CRISP2: variants seen among roughly 807,000 people sequenced by gnomAD.
The protein encoded by CRISP2 is cysteine-rich secretory protein 2.
CRISP2 carries 29 observed loss-of-function variants against 31.7 expected under a neutral mutation model. The ratio of observed to expected loss-of-function variants is 0.92; its 90% CI spans 0.68 to 1.25. The LOEUF (loss-of-function observed/expected upper bound fraction) is 1.25, where lower values mean the gene tolerates loss of function less well. Ranked by LOEUF, CRISP2 falls within the 50% of genes most tolerant of loss-of-function variation. The pLI is 0.00. For missense variants in CRISP2, 318 were observed against 286.5 expected (o/e 1.11, Z -0.79); for synonymous variants, 111 against 101.4 (o/e 1.09, Z -0.57).
chr6:49,687,472 A>C (rs546046371), downstream of CRISP2, among the ~76,000 whole-genome samples: 5 of 152,308 alleles, frequency 3.3e-5, no homozygotes, highest in African/African-American at 1.2e-4. Flanking sequence ...TGGAAGCATC[A>C]CATTGAGCTT....
chr6:49,713,782 T>G (rs1278170586), upstream of CRISP2, among the ~76,000 whole-genome samples: 1 of 152,138 alleles, frequency 6.6e-6, no homozygotes, highest in Non-Finnish European at 1.5e-5. Context: ...ACCTGCGCCG[T>G]ACTAGGAGGA....
chr6:49,699,790 A>G lies in CRISP2; in HGVS notation c.271+14T>C, dbSNP rs201254260. 2.1e-5 allele frequency: 32 copies of G among 1,547,950 alleles called. No individual in the cohort carries two copies. The highest frequency in any genetic ancestry group is 1.7e-4 in the Middle Eastern group (1 of 5,942). On this transcript the variant is annotated intron_variant, in intron 6 of 9. Transcript: ENST00000339139. Reference sequence around the variant, plus strand: ...TCATTTATTTATTCAACAAATATTTACTAATTTACATACTGGTTTTGCGGT... The same window carrying G: ...TCATTTATTTATTCAACAAATATTTGCTAATTTACATACTGGTTTTGCGGT...
chr6:49,683,308 A>G, the CRISP2 span, among the ~76,000 whole-genome samples: 2 of 151,938 alleles, frequency 1.3e-5, no homozygotes, highest in African/African-American at 2.4e-5. Flanking sequence ...GGGCTCCTTC[A>G]TGTTCACCCA....
At chr6:49,694,107 C>T (rs367695260) in intron 9 of CRISP2, among the ~76,000 whole-genome samples, 150 of 152,222 alleles carry the variant, frequency 9.9e-4, no homozygotes, top group South Asian at 3.3e-3. Flanking sequence ...TTTAAAGGAG[C>T]GAATAAGTCT....
Position 49,699,938 on chromosome 6 carries a change from T to C in CRISP2, c.184-47A>G. On this transcript the variant is annotated intron_variant, in intron 5 of 9. Transcript: ENST00000339139. ...AATACACTTAATGATTCAGCCACAA[T>C]GAAACATACACTTTATAATCTGATT... The C allele has an allele frequency of 4.1e-6, 6 of 1,476,970 alleles. No individual in the cohort carries two copies. In the South Asian group the frequency reaches 4.6e-5, roughly 11 times the overall value. The allele number at this position is 1,476,970 out of a possible 1,614,324, so 91.5% of individuals were successfully genotyped here.
rs1330811962 is a variant in CRISP2, at chr6:49,692,381, A to G, written c.*392T>C. 6.4e-6 allele frequency: 1 copy of G among 155,302 alleles called. No individual in the cohort carries two copies. The allele number at this position is 155,302 out of a possible 1,614,324, so 9.6% of individuals were successfully genotyped here. On this transcript the variant is annotated 3_prime_UTR_variant, in exon 10 of 10. Coordinates refer to ENST00000339139, the MANE Select transcript of CRISP2 (RefSeq NM_003296.4). ...ACGGCAGATGTAAAGCTTTGAATTT[A>G]TTGTTTATGCAAGTAAAAACTCAGG...
At chr6:49,678,469 C>G in the CRISP2 span, among the ~76,000 whole-genome samples, 1 of 152,014 alleles carries the variant, frequency 6.6e-6, no homozygotes, top group East Asian at 1.9e-4. Flanking sequence ...TACACTTTCC[C>G]AGACGAATCT....
the CRISP2 span, among the ~76,000 whole-genome samples, chr6:49,686,530 GATC>G: frequency 3.3e-4 from 50 of 152,068 alleles, no homozygotes; most frequent in Non-Finnish European, 5.7e-4. Flanking sequence ...TTAGAAAGGC[GATC>G]ATTAAAAAGT....
chr6:49,701,258 C>A (rs1182157185), intron 4 of CRISP2, among the ~76,000 whole-genome samples: 2 of 151,834 alleles, frequency 1.3e-5, no homozygotes, highest in Non-Finnish European at 2.9e-5. Flanking sequence ...AATGTGTAGT[C>A]TTTTATCCCA....
intron 4 of CRISP2, among the ~76,000 whole-genome samples, chr6:49,705,207 G>A (rs1463969583): frequency 6.6e-6 from 1 of 152,084 alleles, no homozygotes; most frequent in Non-Finnish European, 1.5e-5. Flanking sequence ...AGATGGGGGT[G>A]TGGTTCTCAG....
chr6:49,693,833 G>T (rs1281227516), intron 9 of CRISP2, among the ~76,000 whole-genome samples: 1 of 151,846 alleles, frequency 6.6e-6, no homozygotes. Flanking sequence ...TTTCTAAATT[G>T]TTTCTCTGTG....
chr6:49,711,844 T>C (rs1768066998), intron 2 of CRISP2, among the ~76,000 whole-genome samples: 2 of 152,228 alleles, frequency 1.3e-5, no homozygotes, highest in African/African-American at 4.8e-5. Context: ...CACAGGTTTT[T>C]GCTTTGAAGA....
chr6:49,678,122 T>C, the CRISP2 span, among the ~76,000 whole-genome samples: 1 of 152,034 alleles, frequency 6.6e-6, no homozygotes, highest in Non-Finnish European at 1.5e-5. Flanking sequence ...TTCAGAATTA[T>C]AAAACAAAAA....
intron 1 of CRISP2, among the ~76,000 whole-genome samples, chr6:49,712,984 G>C (rs541913966): frequency 6.6e-6 from 1 of 152,176 alleles, no homozygotes; most frequent in Admixed American, 6.5e-5. Context: ...TAACTACGTG[G>C]ATTTGGGGGT....
At chr6:49,678,969 CTT>C in the CRISP2 span, among the ~76,000 whole-genome samples, 1 of 152,166 alleles carries the variant, frequency 6.6e-6, no homozygotes, top group African/African-American at 2.4e-5. Context: ...TTTTAATACA[CTT>C]TGCCTCCCTA....
At chr6:49,689,750 G>C (rs891237625), downstream of CRISP2, among the ~76,000 whole-genome samples, 1 of 151,836 alleles carries the variant, frequency 6.6e-6, no homozygotes, top group Non-Finnish European at 1.5e-5. Context: ...AGTAAATGGA[G>C]GAACTTATCA....
At chr6:49,711,934 T>C (rs532556872) in intron 2 of CRISP2, among the ~76,000 whole-genome samples, 1 of 152,324 alleles carries the variant, frequency 6.6e-6, no homozygotes, top group East Asian at 1.9e-4. Context: ...AAATTATTCA[T>C]GTTTTTATTA....
At position 49,692,874 on chromosome 6, in the gene CRISP2, GGA is replaced by G; in HGVS notation, c.629_630del (p.Leu210ProfsTer3). On this transcript the variant is annotated frameshift_variant, in exon 10 of 10. Transcript: ENST00000339139. LOFTEE classifies it low-confidence loss of function (END_TRUNC). The part of the protein sequence containing the change: ...LCTNSCQYQD[L>X]LSNCDSLKNT... The stretch of plus-strand genomic sequence containing the variant: ...TTCTTCAAGGAATCACAGTTACTTA[GGA>G]GATCTTGATACTGGCAACTATTGGC... The G allele has an allele frequency of 6.2e-7, 1 of 1,613,686 alleles. No homozygotes were observed. Among genetic ancestry groups the G allele is most frequent in the Non-Finnish European group, 8.5e-7 (1 of 1,179,694 alleles).
At chr6:49,701,498 G>GTATATATATATA (rs1298287857) in intron 4 of CRISP2, among the ~76,000 whole-genome samples, 1 of 62,052 alleles carries the variant, frequency 1.6e-5, no homozygotes, top group African/African-American at 6.3e-5. Flanking sequence ...GTGTGTGTGT[G>GTATATATATATA]TGTATATATA....
Sources: allele counts gnomAD v4.1 joint callset (sites outside exome capture counted in the v4.1 genomes callset), GRCh38; gene constraint gnomAD v4.1.1; transcripts MANE v1.5; gene names NCBI Gene and HGNC (gene_info 2026-07-23, HGNC 2026-07-21).